Variants in SREK1 observed in about 807,000 individuals in gnomAD.
SREK1 encodes splicing regulatory glutamic acid and lysine rich protein 1.
Under a neutral mutation model 66.5 loss-of-function variants are expected in SREK1, and 13 were observed. That is an observed-to-expected ratio of 0.20 (90% confidence interval 0.13 to 0.31). The LOEUF (loss-of-function observed/expected upper bound fraction) is 0.31. Ranked by LOEUF, SREK1 falls within the 10% of genes least tolerant of loss-of-function variation. The pLI, the probability that SREK1 is intolerant of heterozygous loss-of-function variation, is 1.00. For synonymous variants in SREK1, 265 were observed against 263.5 expected, an observed-to-expected ratio of 1.01 and a Z score of -0.05; for missense variants, 607 against 769.6, an observed-to-expected ratio of 0.79 and a Z score of 2.50.
chr5:66,170,149 C>T lies in SREK1; in HGVS notation c.1100C>T (p.Ser367Leu). 1 of 1,611,572 alleles carries T rather than the reference C, an allele frequency of 6.2e-7. No individual in the cohort carries two copies. The highest frequency in any genetic ancestry group is 1.1e-5 in the South Asian group (1 of 90,462). ...TCTAAATCAAGGGAGAGACGGAAGT[C>T]AAGGAGTCGTTCGCATTCACGGTGA... Reference protein sequence around the residue: ...KRSKSRERRKSRSRSHSRDKR... With the variant: ...KRSKSRERRKLRSRSHSRDKR... The change falls in exon 8 of 12, where the codon TCA (serine) becomes TTA (leucine). Residue 367 changes from serine to leucine, a missense_variant. By Grantham distance (145) the Ser-to-Leu change is moderately radical. Around this residue, in one of 5 missense-constraint regions of SREK1, gnomAD observed 318 missense variants for 310.3 expected, o/e 1.02. Transcript: ENST00000334121.
rs543583075 is a variant in SREK1, at chr5:66,164,886, A to G, written c.990A>G (p.Gln330=). 13 of 1,613,632 alleles carry G rather than the reference A, an allele frequency of 8.1e-6. No individual in the cohort carries two copies. The South Asian group carries it at 1.2e-4, about 15-fold the overall frequency. Residue 330 remains glutamine (Q), a synonymous_variant, in exon 7 of 12, where the codon CAA becomes CAG. Coordinates refer to ENST00000334121, the MANE Select transcript of SREK1 (RefSeq NM_001077199.3). ...SKSHSRRKRS[Q]SKHRSRSHNR... ...CCCATTCTAGAAGGAAAAGATCACA[A>G]TCAAAACACAGGTGAGAATTTCTGC...
chr5:66,171,049 T>C, intron 9 of SREK1, 102 bp downstream of exon 9: 13 of 1,355,108 alleles, frequency 9.6e-6, no homozygotes, highest in Non-Finnish European at 1.3e-5. Flanking sequence ...AAGTGGAACC[T>C]GTAAAGTAAT....
chr5:66,170,463 A>G lies in SREK1; in HGVS notation c.1122-122A>G, dbSNP rs78360149. 5.9e-5 allele frequency: 75 copies of G among 1,267,762 alleles called. No individual in the cohort carries two copies. In the East Asian group the frequency reaches 1.7e-3, roughly 29 times the overall value. The allele number at this position is 1,267,762 out of a possible 1,614,324, so 78.5% of individuals were successfully genotyped here. A position where few individuals can be genotyped will look rare whatever the true frequency, so the allele number is the denominator to read the frequency against. On this transcript the variant is annotated intron_variant, in intron 8 of 11. Transcript: ENST00000334121. ...GTACACCTGAGCTATATAAAAATGT[A>G]TATGTAAATGTCTGTAGGTACTATA...
chr5:66,156,804 A>T, intron 2 of SREK1: 1 of 985,410 alleles, frequency 1.0e-6, no homozygotes, highest in Non-Finnish European at 1.2e-6. Context: ...GATATTTGAG[A>T]AACTTAAGTA....
rs1022477388 is a variant in SREK1 at position 66,181,748 on chromosome 5, C to T, written c.*2880C>T. On this transcript the variant is annotated 3_prime_UTR_variant, in exon 12 of 12. Coordinates refer to ENST00000334121, the MANE Select transcript of SREK1 (RefSeq NM_001077199.3). ...TATCTAATTAGCTTATAATTGCAAA[C>T]ACTAGTCAGCTTGTGATCTCTGTGT... 2 of 152,108 alleles carry T rather than the reference C, an allele frequency of 1.3e-5. No homozygotes were observed. Among genetic ancestry groups the T allele is most frequent in the African/African-American group, 4.8e-5 (2 of 41,424 alleles). The allele number at this position is 152,108 out of a possible 1,614,324, so 9.4% of individuals were successfully genotyped here.
intron 2 of SREK1, chr5:66,156,381 A>G (rs1744286283): frequency 3.4e-6 from 4 of 1,186,506 alleles, no homozygotes; most frequent in Non-Finnish European, 2.1e-6. Context: ...TGCAAATTAT[A>G]TTGGGAGATG....
chr5:66,155,055 T>G (rs1744163045), intron 2 of SREK1, among the ~76,000 whole-genome samples: 2 of 152,180 alleles, frequency 1.3e-5, no homozygotes, highest in Admixed American at 6.5e-5. Context: ...GAAGGAAGAA[T>G]TTTATCAGTG....
At chr5:66,145,292 T>C (rs1743075825) in intron 1 of SREK1, 1 of 442,194 alleles carries the variant, frequency 2.3e-6, no homozygotes, top group Non-Finnish European at 3.0e-6. Context: ...AATGGTAAAA[T>C]TTCCCTCGTA....
chr5:66,172,824 AT>A (rs762670649), intron 9 of SREK1, among the ~76,000 whole-genome samples: 3,306 of 118,172 alleles, frequency 0.028, 63 homozygotes, highest in African/African-American at 0.078. Context: ...ATTTCTTTGA[AT>A]TTTTTTTTTT....
At chr5:66,169,317 G>C (rs1241659191) in intron 7 of SREK1, 1 of 152,226 alleles carries the variant, frequency 6.6e-6, no homozygotes, top group Non-Finnish European at 1.5e-5. Context: ...AATTCAAAAG[G>C]CTTCAAAACT....
At chr5:66,170,563 T>G (rs565384095) in intron 8 of SREK1, 22 bp from the exon 9 acceptor site, 1 of 1,572,968 alleles carries the variant, frequency 6.4e-7, no homozygotes, top group Admixed American at 2.0e-5. Flanking sequence ...AGTTATGAAT[T>G]TATTTATTTT....
intron 1 of SREK1, chr5:66,145,285 G>A (rs1458424154): frequency 1.9e-6 from 1 of 513,388 alleles, no homozygotes; most frequent in Non-Finnish European, 2.5e-6. Flanking sequence ...ATTTTGGAAT[G>A]GTAAAATTTC....
intron 8 of SREK1, among the ~76,000 whole-genome samples, 190 bp downstream of exon 8, chr5:66,170,360 TGTCA>T (rs1354183022): frequency 6.6e-6 from 1 of 152,218 alleles, no homozygotes; most frequent in Non-Finnish European, 1.5e-5. Context: ...CTGAATCTGA[TGTCA>T]GTGTGACTCA....
chr5:66,163,969 A>AC, intron 6 of SREK1, 47 bp downstream of exon 6: 1 of 1,554,874 alleles, frequency 6.4e-7, no homozygotes, highest in East Asian at 2.3e-5. Context: ...AAGATCATAG[A>AC]CTCTTAGAAC....
chr5:66,171,018 G>T, intron 9 of SREK1, 71 bp downstream of exon 9: 1 of 1,524,640 alleles, frequency 6.6e-7, no homozygotes, highest in Non-Finnish European at 8.8e-7. Context: ...TTTTACGGAG[G>T]GAGAAAAGGT....
intron 2 of SREK1, chr5:66,157,125 T>A (rs185994625): frequency 1.1e-6 from 1 of 947,632 alleles, no homozygotes; most frequent in Admixed American, 6.2e-5. Context: ...AGAATGGTAA[T>A]TGAAAGTTAA....
rs1181216695 is a variant in SREK1 at position 66,164,717 on chromosome 5, C to A, written c.887-66C>A. 32 of 1,612,052 alleles carry A rather than the reference C, an allele frequency of 2.0e-5. 1 individual carries two copies. The South Asian group carries it at 3.4e-4, about 17-fold the overall frequency. ...CTATATGTGGTACATTCCACTTGTG[C>A]CTGATTATTAACTGGGATCTTTAAT... On this transcript the variant is annotated intron_variant, in intron 6 of 11. Coordinates refer to ENST00000334121, the MANE Select transcript of SREK1 (RefSeq NM_001077199.3).
At chr5:66,175,288 A>G (rs181471274) in intron 10 of SREK1, among the ~76,000 whole-genome samples, 54 of 152,302 alleles carry the variant, frequency 3.5e-4, no homozygotes, top group African/African-American at 1.3e-3. Context: ...TCATATACAG[A>G]TAACAAGATG....
rs892418548 is a variant in SREK1 at position 66,153,474 on chromosome 5, T to C, written c.173T>C (p.Leu58Pro). ...TTTTTATCTTGCAGCAACGCACCTC[T>C]TGCTTTTTCCTCCAAAGTATGTTAT... ...LRLYPPDNAP[L>P]AFSSKVCYVK... is the part of the protein sequence containing the mutation. The change falls in exon 2 of 12, where the codon CTT becomes CCT. Residue 58 changes from leucine (L) to proline (P), a missense_variant. By Grantham distance (98) the Leu-to-Pro change is moderately conservative. This residue lies in a region of SREK1 where 99 missense variants were observed against 186.6 expected (regional missense o/e 0.53). Coordinates refer to ENST00000334121, the MANE Select transcript of SREK1 (RefSeq NM_001077199.3). 3.1e-6 allele frequency: 5 copies of C among 1,612,662 alleles called. No individual in the cohort carries two copies. The African/African-American group carries it at 6.7e-5, about 22-fold the overall frequency.
Sources: allele counts gnomAD v4.1 joint callset (sites outside exome capture counted in the v4.1 genomes callset), GRCh38; gene constraint gnomAD v4.1.1; regional missense constraint gnomAD v4.1.1; transcripts MANE v1.5; gene names NCBI Gene and HGNC (gene_info 2026-07-23, HGNC 2026-07-21).